ANKS1B: variants seen among roughly 807,000 people sequenced by gnomAD.
The protein encoded by ANKS1B is ankyrin repeat and sterile alpha motif domain-containing protein 1B.
In ANKS1B, 36 loss-of-function variants were observed where a neutral mutation model predicts 148.3. That is an observed-to-expected ratio of 0.24 (90% CI 0.19 to 0.32). The LOEUF (loss-of-function observed/expected upper bound fraction) is 0.32. ANKS1B is among the 10% of genes least tolerant of loss of function. The pLI is 1.00. For missense variants in ANKS1B, 1,157 were observed against 1,542.6 expected (o/e 0.75, Z 4.19); for synonymous variants, 542 against 560.8 (o/e 0.97, Z 0.47).
At chr12:99,666,886 GT>G (rs1567601359) in intron 8 of ANKS1B, among the ~76,000 whole-genome samples, 11 of 145,552 alleles carry the variant, frequency 7.6e-5, no homozygotes, top group Admixed American at 4.1e-4. Flanking sequence ...GTGTGTGTGT[GT>G]GTGTGTGTGG....
intron 9 of ANKS1B, among the ~76,000 whole-genome samples, chr12:99,595,764 C>T (rs1210159062): frequency 2.0e-5 from 3 of 151,882 alleles, no homozygotes; most frequent in Non-Finnish European, 4.4e-5. Context: ...AAACAAAATA[C>T]ATATGCTTTG....
chr12:99,854,298 C>T (rs1669765340), intron 1 of ANKS1B, among the ~76,000 whole-genome samples: 1 of 152,144 alleles, frequency 6.6e-6, no homozygotes, highest in South Asian at 2.1e-4. Context: ...AGGTGGGAGC[C>T]ACCACTCCCG....
intron 17 of ANKS1B, among the ~76,000 whole-genome samples, chr12:98,851,318 G>T (rs778487692): frequency 1.3e-5 from 2 of 152,176 alleles, no homozygotes; most frequent in South Asian, 2.1e-4. Flanking sequence ...GTAGGGAGTG[G>T]CAATCTCTAC....
chr12:99,330,539 A>G (rs927172282), intron 12 of ANKS1B, among the ~76,000 whole-genome samples: 6 of 151,990 alleles, frequency 3.9e-5, no homozygotes, highest in African/African-American at 1.2e-4. Flanking sequence ...TTTCCCTCCA[A>G]AGGATCTTCT....
intron 9 of ANKS1B, among the ~76,000 whole-genome samples, chr12:99,553,351 C>T (rs570796700): frequency 6.6e-6 from 1 of 152,122 alleles, no homozygotes. Flanking sequence ...ATGCAGTAAC[C>T]AAATATCTGA....
chr12:98,816,356 C>G (rs1292605572), intron 19 of ANKS1B, among the ~76,000 whole-genome samples: 1 of 152,144 alleles, frequency 6.6e-6, no homozygotes, highest in Admixed American at 6.5e-5. Context: ...AGTGCAATGG[C>G]ACGATCTTGG....
intron 17 of ANKS1B, among the ~76,000 whole-genome samples, chr12:98,985,629 G>T (rs1437283981): frequency 6.6e-6 from 1 of 151,476 alleles, no homozygotes; most frequent in African/African-American, 2.4e-5. Context: ...TTCACATATA[G>T]TATAAAACTC....
At chr12:99,237,783 T>A (rs2088296207) in intron 14 of ANKS1B, among the ~76,000 whole-genome samples, 1 of 152,190 alleles carries the variant, frequency 6.6e-6, no homozygotes. Context: ...CATGTGTGTC[T>A]ATATATATAC....
At chr12:98,781,459 G>T in intron 23 of ANKS1B, 1 of 575,214 alleles carries the variant, frequency 1.7e-6, no homozygotes, top group East Asian at 3.9e-5. Flanking sequence ...AAAAGAGTTT[G>T]TTCCGCTACT....
chr12:99,248,747 A>C (rs2074199854), intron 12 of ANKS1B, among the ~76,000 whole-genome samples: 1 of 152,202 alleles, frequency 6.6e-6, no homozygotes, highest in Non-Finnish European at 1.5e-5. Context: ...CTAGTAAGCA[A>C]TTAAGCTGAG....
intron 16 of ANKS1B, among the ~76,000 whole-genome samples, chr12:99,080,260 T>A (rs1343429859): frequency 1.3e-5 from 2 of 152,114 alleles, no homozygotes. Flanking sequence ...AGTATCAGAG[T>A]CTGCTGAAGT....
At chr12:99,675,233 A>G (rs2098556887) in intron 8 of ANKS1B, among the ~76,000 whole-genome samples, 1 of 152,010 alleles carries the variant, frequency 6.6e-6, no homozygotes, top group South Asian at 2.1e-4. Context: ...ATCTATACTA[A>G]GAGAATAAAT....
intron 17 of ANKS1B, among the ~76,000 whole-genome samples, chr12:99,006,549 A>T (rs1223998542): frequency 6.6e-6 from 1 of 152,200 alleles, no homozygotes; most frequent in African/African-American, 2.4e-5. Flanking sequence ...TTAAATGGCA[A>T]CAGTCCTATT....
At chr12:98,988,347 C>G (rs921778809) in intron 17 of ANKS1B, among the ~76,000 whole-genome samples, 7 of 152,008 alleles carry the variant, frequency 4.6e-5, no homozygotes, top group Admixed American at 4.6e-4. Context: ...ATGGTGAGAT[C>G]ATGCAGTATT....
intron 9 of ANKS1B, among the ~76,000 whole-genome samples, chr12:99,511,462 T>C (rs1431708440): frequency 6.6e-6 from 1 of 151,998 alleles, no homozygotes; most frequent in Non-Finnish European, 1.5e-5. Context: ...ATAGGAAGAA[T>C]CAATATCGTG....
chr12:98,868,231 G>A (rs1198790303), intron 17 of ANKS1B, among the ~76,000 whole-genome samples: 2 of 152,070 alleles, frequency 1.3e-5, no homozygotes, highest in South Asian at 2.1e-4. Context: ...CCCTGGGCCC[G>A]AGGGGGCTGG....
intron 8 of ANKS1B, among the ~76,000 whole-genome samples, chr12:99,712,404 G>A (rs527610343): frequency 8.3e-4 from 126 of 152,244 alleles, no homozygotes; most frequent in African/African-American, 2.8e-3. Flanking sequence ...CTGAGAGTGA[G>A]AGATTATTAT....
chr12:99,516,174 T>C (rs2096818827), intron 9 of ANKS1B, among the ~76,000 whole-genome samples: 1 of 152,156 alleles, frequency 6.6e-6, no homozygotes, highest in South Asian at 2.1e-4. Flanking sequence ...CATTTGTCCA[T>C]TTTTGTTGTG....
At chr12:98,759,275 TTTAC>T (rs2098341380) in intron 25 of ANKS1B, among the ~76,000 whole-genome samples, 1 of 152,172 alleles carries the variant, frequency 6.6e-6, no homozygotes, top group South Asian at 2.1e-4. Flanking sequence ...ACCACAGATA[TTTAC>T]CAAGCTCCTT....
Sources: allele counts gnomAD v4.1 joint callset (sites outside exome capture counted in the v4.1 genomes callset), GRCh38; gene constraint gnomAD v4.1.1; transcripts MANE v1.5; gene names NCBI Gene and HGNC (gene_info 2026-07-23, HGNC 2026-07-21).